The following PRAMEF19 variants were observed in gnomAD, a reference collection of about 807,000 sequenced individuals.
The protein encoded by PRAMEF19 is PRAME family member 19, also known as PRAME family member-like.
In PRAMEF19, 21 loss-of-function variants were observed where a neutral mutation model predicts 33.1. That is an observed-to-expected ratio of 0.63 (90% CI 0.45 to 0.91). PRAMEF19 has a LOEUF of 0.91. Among genes scored for constraint, PRAMEF19 ranks in the 40% least tolerant of loss-of-function variants. PRAMEF19 has a pLI of 0.00. For missense variants in PRAMEF19, 481 were observed against 585.2 expected, an observed-to-expected ratio of 0.82 and a Z score of 1.84; for synonymous variants, 179 against 229.3, an observed-to-expected ratio of 0.78 and a Z score of 1.98.
At chr1:13,368,579 G>A (rs1395915735), downstream of PRAMEF19, among the ~76,000 whole-genome samples, 1 of 152,136 alleles carries the variant, frequency 6.6e-6, no homozygotes, top group Non-Finnish European at 1.5e-5. Flanking sequence ...AAGGACAGCA[G>A]AGAGTTTCCA....
downstream of PRAMEF19, chr1:13,369,040 G>A (rs1409534135): frequency 1.2e-6 from 2 of 1,611,920 alleles, no homozygotes; most frequent in Non-Finnish European, 1.7e-6. Context: ...AGTGCCTGGA[G>A]AAAAAGCTTT....
chr1:13,369,171 C>T, exon 3 of PRAMEF19: 1 of 1,611,956 alleles, frequency 6.2e-7, no homozygotes, highest in Non-Finnish European at 8.5e-7. Flanking sequence ...CTGTTGGGCT[C>T]CCTTACTTCC....
At chr1:13,368,953 T>G, downstream of PRAMEF19, 1 of 1,466,584 alleles carries the variant, frequency 6.8e-7, no homozygotes, top group Non-Finnish European at 9.2e-7. Flanking sequence ...TCTCAAATTT[T>G]TAAATAAAAG....
At chr1:13,371,516 A>G in intron 1 of PRAMEF19, 98 bp downstream of exon 1, 1 of 1,574,156 alleles carries the variant, frequency 6.4e-7, no homozygotes, top group Non-Finnish European at 8.7e-7. Flanking sequence ...TCTCACTGGC[A>G]CCATCAGAAG....
exon 2 of PRAMEF19, chr1:13,370,772 C>G: frequency 6.2e-7 from 1 of 1,613,930 alleles, no homozygotes; most frequent in Middle Eastern, 1.7e-4. Flanking sequence ...GCTCTCAAAG[C>G]TTGGCAGGTA....
chr1:13,369,556 T>G, exon 3 of PRAMEF19: 1 of 1,613,938 alleles, frequency 6.2e-7, no homozygotes, highest in African/African-American at 1.3e-5. Context: ...GACTGAGACT[T>G]GGGTACCAGG....
chr1:13,371,277 CT>C, intron 1 of PRAMEF19, 50 bp from the exon 2 acceptor site: 2 of 1,611,698 alleles, frequency 1.2e-6, no homozygotes, highest in Non-Finnish European at 1.7e-6. Context: ...GGACCCACCC[CT>C]GACCTGGGCT....
intron 2 of PRAMEF19, among the ~76,000 whole-genome samples, chr1:13,369,871 A>C (rs1253163851): frequency 2.0e-5 from 3 of 151,110 alleles, no homozygotes; most frequent in Admixed American, 6.6e-5. Flanking sequence ...AGGCCATAAA[A>C]TCTCTAAAGC....
At chr1:13,370,854 C>A (rs1640662883) in exon 2 of PRAMEF19, 2 of 1,613,814 alleles carry the variant, frequency 1.2e-6, no homozygotes, top group Non-Finnish European at 1.7e-6. Flanking sequence ...ACCTCTGCTA[C>A]CATACACGGC....
At chr1:13,369,043 A>C, downstream of PRAMEF19, 10 of 1,611,978 alleles carry the variant, frequency 6.2e-6, no homozygotes, top group Non-Finnish European at 8.5e-6. Context: ...GCCTGGAGAA[A>C]AAGCTTTTTA....
At chr1:13,370,759 T>C in exon 2 of PRAMEF19, 1 of 1,613,972 alleles carries the variant, frequency 6.2e-7, no homozygotes, top group Non-Finnish European at 8.5e-7. Flanking sequence ...CTAACTGTCC[T>C]TGGCTCTCAA....
In PRAMEF19 at chr1:13,369,298, C is replaced by T. The variant is rs1244195727; in HGVS notation, c.1209G>A (p.Arg403=). ...ATGTTTCCAGGCTCAAATTGCTCAG[C>T]CTGCCTGTGTGGCGCAGCAGGTCCT... The change falls in exon 3 of 3, where the codon AGG becomes AGA. Residue 403 remains arginine, a synonymous_variant. Transcript: ENST00000376101. 3.7e-6 allele frequency: 6 copies of T among 1,611,956 alleles called. No homozygotes were observed. In the African/African-American group the frequency reaches 6.7e-5, roughly 18 times the overall value.
chr1:13,371,366 T>A lies in PRAMEF19; in HGVS notation c.288-139A>T, dbSNP rs1640670314. ...TGTCTCTTCTCCATCCCTTTCCCCC[T>A]TGGATTCTGCCTGGTACCCACTTCT... On this transcript the variant is annotated intron_variant, in intron 1 of 2. Transcript: ENST00000376101. 2.0e-6 allele frequency: 3 copies of A among 1,533,398 alleles called. No homozygotes were observed. The African/African-American group carries it at 4.1e-5, about 21-fold the overall frequency. The allele number at this position is 1,533,398 out of a possible 1,614,324, so 95.0% of individuals were successfully genotyped here.
At chr1:13,369,684 G>C in intron 2 of PRAMEF19, 44 bp from the exon 3 acceptor site, 1 of 1,611,506 alleles carries the variant, frequency 6.2e-7, no homozygotes, top group Non-Finnish European at 8.5e-7. Context: ...GCACCAGTTA[G>C]AGGACGGTGG....
exon 3 of PRAMEF19, chr1:13,369,580 G>A: frequency 6.2e-7 from 1 of 1,613,956 alleles, no homozygotes; most frequent in Non-Finnish European, 8.5e-7. Context: ...GACATTTCAA[G>A]TCCTCTTCAT....
chr1:13,369,642 T>C lies in PRAMEF19; in HGVS notation c.867-2A>G, dbSNP rs1640647532. 4 of 1,613,668 alleles carry C rather than the reference T, an allele frequency of 2.5e-6. No homozygotes were observed. The African/African-American group carries it at 4.0e-5, about 16-fold the overall frequency. On this transcript the variant is annotated splice_acceptor_variant, in intron 2 of 2. Coordinates refer to ENST00000376101, the Ensembl canonical transcript of PRAMEF19. LOFTEE classifies it high-confidence loss of function. ...GTCTCCAACGGGCTCTTGAGGCACC[T>C]GGGGAGAGCAAGAAGTTAGTACTGG...
At chr1:13,369,133 A>C (rs1481976258) in exon 3 of PRAMEF19, 59 of 1,612,018 alleles carry the variant, frequency 3.7e-5, no homozygotes, top group Admixed American at 1.7e-4. Context: ...TGCCACAGCA[A>C]GGGCAGGAGA....
exon 3 of PRAMEF19, chr1:13,369,352 G>T: frequency 6.2e-7 from 1 of 1,611,246 alleles, no homozygotes; most frequent in Admixed American, 1.7e-5. Context: ...TGTCATTGCC[G>T]TGAAAGCAGA....
intron 2 of PRAMEF19, among the ~76,000 whole-genome samples, chr1:13,370,153 CAG>C (rs1640652985): frequency 1.3e-5 from 2 of 152,216 alleles, no homozygotes; most frequent in African/African-American, 4.8e-5. Flanking sequence ...GACAGGGAAT[CAG>C]AGAGAGGATC....
Sources: allele counts gnomAD v4.1 joint callset (sites outside exome capture counted in the v4.1 genomes callset), GRCh38; gene constraint gnomAD v4.1.1; transcripts MANE v1.5; gene names NCBI Gene and HGNC (gene_info 2026-07-23, HGNC 2026-07-21).